The following NIPAL2 variants were observed in gnomAD, a reference collection of about 807,000 sequenced individuals.
The protein encoded by NIPAL2 is NIPA-like protein 2.
In NIPAL2, 43 loss-of-function variants were observed where a neutral mutation model predicts 48.9. The ratio of observed to expected loss-of-function variants is 0.88; its 90% confidence interval spans 0.69 to 1.13. NIPAL2 has a LOEUF of 1.13. NIPAL2 is among the 50% of genes most tolerant of loss of function. The probability of loss-of-function intolerance (pLI) is 0.00; values close to 1 mark genes in which losing one functional copy is unlikely to be tolerated. For synonymous variants in NIPAL2, 167 were observed against 174.6 expected (o/e 0.96, Z 0.34); for missense variants, 446 against 461.4 (o/e 0.97, Z 0.31).
rs751345147 is a variant in NIPAL2, at chr8:98,294,025, C to T, written c.113G>A (p.Gly38Asp). 4 of 1,496,366 alleles carry T rather than the reference C, an allele frequency of 2.7e-6. No individual in the cohort carries two copies. Among genetic ancestry groups the T allele is most frequent in the East Asian group, 2.9e-5 (1 of 33,916 alleles). The allele number at this position is 1,496,366 out of a possible 1,614,324, so 92.7% of individuals were successfully genotyped here. ...APGAGNGSLSGDWYRRNQIHL... is the reference protein window; with the variant it reads ...APGAGNGSLSDDWYRRNQIHL... ...TACCTGGTTCCTGCGGTACCAGTCGCCCGAGAGGGAGCCGTTGCCGGCGCC... is the reference window on the plus strand; with the variant it reads ...TACCTGGTTCCTGCGGTACCAGTCGTCCGAGAGGGAGCCGTTGCCGGCGCC... Residue 38 changes from glycine (G) to aspartate (D), a missense_variant, in exon 1 of 11, where the codon GGC becomes GAC. Transcript: ENST00000430223.
chr8:98,222,741 C>G, intron 4 of NIPAL2, 141 bp from the exon 5 acceptor site: 2 of 788,976 alleles, frequency 2.5e-6, no homozygotes, highest in South Asian at 3.5e-5. Flanking sequence ...TCAAACCATC[C>G]TTGGATAGCG....
Position 98,294,060 on chromosome 8 carries a change from G to C in NIPAL2, c.78C>G (p.Tyr26Ter). The change falls in exon 1 of 11, where the codon TAC (tyrosine) becomes TAG (stop). Residue 26 changes from tyrosine (Y) to a stop codon, truncating the protein, a stop_gained. Coordinates refer to ENST00000430223, the MANE Select transcript of NIPAL2 (RefSeq NM_001321635.2). LOFTEE classifies it high-confidence loss of function. ...AGCCGTTGCCGGCGCCTGGTGCCCC[G>C]TACGTGAAATTCAGTGACAGCTCGT... is the stretch of plus-strand genomic sequence containing the variant. The part of the protein sequence containing the change: ...ALDELSLNFT[Y>*]GAPGAGNGSL... 6.7e-7 allele frequency: 1 copy of C among 1,501,318 alleles called. No homozygotes were observed. Among genetic ancestry groups the C allele is most frequent in the Non-Finnish European group, 8.9e-7 (1 of 1,125,824 alleles). The allele number at this position is 1,501,318 out of a possible 1,614,324, so 93.0% of individuals were successfully genotyped here. A position where few individuals can be genotyped will look rare whatever the true frequency, so the allele number is the denominator to read the frequency against.
At chr8:98,271,070 C>T (rs559329820) in intron 1 of NIPAL2, among the ~76,000 whole-genome samples, 27 of 152,148 alleles carry the variant, frequency 1.8e-4, no homozygotes, top group African/African-American at 4.3e-4. Flanking sequence ...TATTTTTGTA[C>T]CAGTATCATG....
rs576911954 is a variant in NIPAL2, at chr8:98,253,020, T to C, written c.205-386A>G. On this transcript the variant is annotated intron_variant, in intron 2 of 10. Coordinates refer to ENST00000430223, the MANE Select transcript of NIPAL2 (RefSeq NM_001321635.2). ...ATGTGAATCCTCCTTTTGTCCAACG[T>C]ATCCATGCTGCAGATGCTCCCTGTC... Among the ~76,000 whole-genome samples the C allele has an allele frequency of 3.3e-5, 5 of 152,224 alleles. No homozygotes were observed. In the South Asian group the frequency reaches 1.0e-3, roughly 32 times the overall value.
At chr8:98,216,668 G>T (rs1174564137) in intron 5 of NIPAL2, among the ~76,000 whole-genome samples, 1 of 151,564 alleles carries the variant, frequency 6.6e-6, no homozygotes, top group Non-Finnish European at 1.5e-5. Context: ...TAATTTTTTT[G>T]TCTGAGAGAA....
chr8:98,256,320 G>A (rs912810126), intron 1 of NIPAL2, among the ~76,000 whole-genome samples: 1 of 152,156 alleles, frequency 6.6e-6, no homozygotes, highest in African/African-American at 2.4e-5. Context: ...ACCATGCCTG[G>A]CTGAGATTAA....
intron 4 of NIPAL2, among the ~76,000 whole-genome samples, chr8:98,224,166 A>C (rs1180571568): frequency 1.3e-5 from 2 of 152,184 alleles, no homozygotes; most frequent in Non-Finnish European, 2.9e-5. Context: ...AGTAGGCAAC[A>C]CATGTATATG....
chr8:98,269,269 C>T lies in NIPAL2; in HGVS notation c.136-15182G>A, dbSNP rs377045083. Among the ~76,000 whole-genome samples, 5 of 152,258 alleles carry T rather than the reference C, an allele frequency of 3.3e-5. No homozygotes were observed. The East Asian group carries it at 5.8e-4, about 18-fold the overall frequency. ...GGCATATGGAATGGTGAACCCTTTCCAGAATTTATTTTGGCTAGATCCATC... is the reference window on the plus strand; with the variant it reads ...GGCATATGGAATGGTGAACCCTTTCTAGAATTTATTTTGGCTAGATCCATC... On this transcript the variant is annotated intron_variant, in intron 1 of 10. Coordinates refer to ENST00000430223, the MANE Select transcript of NIPAL2 (RefSeq NM_001321635.2).
intron 3 of NIPAL2, among the ~76,000 whole-genome samples, chr8:98,242,400 T>C (rs1374930323): frequency 2.0e-5 from 3 of 152,034 alleles, no homozygotes; most frequent in African/African-American, 7.2e-5. Flanking sequence ...TTGCCCAGGC[T>C]GGTCTCAAAC....
chr8:98,210,299 G>A (rs1811246678), intron 6 of NIPAL2, among the ~76,000 whole-genome samples: 2 of 149,908 alleles, frequency 1.3e-5, no homozygotes, highest in Admixed American at 1.3e-4. Context: ...TTAATATTAA[G>A]TGCTTTAATA....
intron 7 of NIPAL2, among the ~76,000 whole-genome samples, chr8:98,203,704 C>T (rs964765528): frequency 1.3e-5 from 2 of 152,202 alleles, no homozygotes; most frequent in Admixed American, 1.3e-4. Context: ...ATGCAGTTCC[C>T]ACAACTGTGC....
intron 1 of NIPAL2, among the ~76,000 whole-genome samples, chr8:98,258,444 GAAGT>G (rs1243180848): frequency 6.6e-6 from 1 of 152,160 alleles, no homozygotes; most frequent in African/African-American, 2.4e-5. Context: ...TTGACTTGGA[GAAGT>G]AAGGAAAAAC....
intron 4 of NIPAL2, among the ~76,000 whole-genome samples, chr8:98,233,000 C>A (rs1343087723): frequency 1.3e-5 from 2 of 152,142 alleles, no homozygotes; most frequent in Non-Finnish European, 2.9e-5. Context: ...TAGCTCATGC[C>A]TGTAATCCCA....
chr8:98,275,678 C>T (rs1344432130), intron 1 of NIPAL2, among the ~76,000 whole-genome samples: 1 of 152,186 alleles, frequency 6.6e-6, no homozygotes, highest in Non-Finnish European at 1.5e-5. Flanking sequence ...AACTGCCAAA[C>T]TATTTTTCAG....
intron 1 of NIPAL2, among the ~76,000 whole-genome samples, chr8:98,264,577 T>C (rs1175251913): frequency 2.7e-5 from 4 of 150,892 alleles, no homozygotes; most frequent in African/African-American, 9.7e-5. Flanking sequence ...TTACAAGGGA[T>C]GTGAAGGACC....
chr8:98,282,396 G>A (rs1483924938), intron 1 of NIPAL2, among the ~76,000 whole-genome samples: 2 of 152,208 alleles, frequency 1.3e-5, no homozygotes, highest in African/African-American at 4.8e-5. Flanking sequence ...CCTAGCTGCA[G>A]TGTGGAGGAT....
intron 3 of NIPAL2, among the ~76,000 whole-genome samples, chr8:98,248,857 C>G (rs1813429098): frequency 6.6e-6 from 1 of 152,270 alleles, no homozygotes; most frequent in East Asian, 1.9e-4. Context: ...AAAGATGACA[C>G]AAGGATACAA....
intron 9 of NIPAL2, chr8:98,195,667 C>A (rs550575949): frequency 3.2e-6 from 1 of 314,348 alleles, no homozygotes; most frequent in Non-Finnish European, 5.9e-6. Context: ...AAAGGTCGTG[C>A]AGTAACTACA....
intron 1 of NIPAL2, among the ~76,000 whole-genome samples, chr8:98,256,148 C>A (rs995962607): frequency 9.2e-5 from 14 of 152,056 alleles, no homozygotes; most frequent in African/African-American, 2.9e-4. Flanking sequence ...CTCAGCCTCC[C>A]CAGTAGCTGG....
Sources: allele counts gnomAD v4.1 joint callset (sites outside exome capture counted in the v4.1 genomes callset), GRCh38; gene constraint gnomAD v4.1.1; transcripts MANE v1.5; gene names NCBI Gene and HGNC (gene_info 2026-07-23, HGNC 2026-07-21).